Variants in HIVEP3 observed in about 807,000 individuals in gnomAD.
The protein encoded by HIVEP3 is HIVEP zinc finger 3, also known as transcription factor HIVEP3.
HIVEP3 carries 49 observed loss-of-function variants against 152.8 expected under a neutral mutation model. The observed-to-expected ratio is 0.32, with a 90% CI of 0.26 to 0.41. The LOEUF (loss-of-function observed/expected upper bound fraction) is 0.41, where lower values mean the gene tolerates loss of function less well. Among genes scored for constraint, HIVEP3 ranks in the 10% least tolerant of loss-of-function variants. HIVEP3 has a pLI of 1.00. For synonymous variants in HIVEP3, 1,269 were observed against 1,289.0 expected (o/e 0.98, Z 0.33); for missense variants, 2,790 against 3,103.3 (o/e 0.90, Z 2.40).
At chr1:41,950,918 T>C (rs1645103167) in intron 1 of HIVEP3, among the ~76,000 whole-genome samples, 1 of 152,242 alleles carries the variant, frequency 6.6e-6, no homozygotes, top group South Asian at 2.1e-4. Context: ...GGGAGATATG[T>C]TCTTGTTTAA....
intron 1 of HIVEP3, among the ~76,000 whole-genome samples, chr1:41,874,521 G>C (rs902474002): frequency 7.2e-5 from 11 of 152,104 alleles, no homozygotes; most frequent in Non-Finnish European, 7.4e-5. Flanking sequence ...TCAGCAGCAG[G>C]GCAGCTGCCA....
intron 1 of HIVEP3, among the ~76,000 whole-genome samples, chr1:41,770,183 C>T (rs1648262881): frequency 6.6e-6 from 1 of 152,042 alleles, no homozygotes; most frequent in Non-Finnish European, 1.5e-5. Flanking sequence ...CCATGTTAGC[C>T]AGGATGGTCT....
chr1:41,771,068 T>C (rs1050021479), intron 1 of HIVEP3, among the ~76,000 whole-genome samples: 9 of 152,224 alleles, frequency 5.9e-5, no homozygotes, highest in Non-Finnish European at 8.8e-5. Context: ...AGCATATCTG[T>C]GGGACTAAAA....
chr1:41,907,173 G>A (rs976459058), intron 1 of HIVEP3, among the ~76,000 whole-genome samples: 14 of 152,140 alleles, frequency 9.2e-5, no homozygotes, highest in Admixed American at 7.9e-4. Context: ...AAAACTACTC[G>A]GCTTTGGGAG....
chr1:41,530,795 T>A (rs1292272625), intron 5 of HIVEP3, among the ~76,000 whole-genome samples: 1 of 152,164 alleles, frequency 6.6e-6, no homozygotes, highest in Non-Finnish European at 1.5e-5. Context: ...GACCCCTTCA[T>A]TTCCTCCTCC....
chr1:41,898,450 G>A (rs539603888), intron 1 of HIVEP3, among the ~76,000 whole-genome samples: 1 of 152,332 alleles, frequency 6.6e-6, no homozygotes, highest in African/African-American at 2.4e-5. Flanking sequence ...CACAGCCTAA[G>A]AGCAAAGGCT....
At chr1:41,565,053 G>C (rs1306254451) in intron 5 of HIVEP3, among the ~76,000 whole-genome samples, 1 of 152,226 alleles carries the variant, frequency 6.6e-6, no homozygotes, top group African/African-American at 2.4e-5. Context: ...AAATTTGGGT[G>C]AGGCGTGAAT....
In HIVEP3 at chr1:41,918,106, C is replaced by T. The variant is rs1644900521; in HGVS notation, c.-801+307G>A. 6.6e-6 allele frequency among the ~76,000 whole-genome samples: 1 copy of T among 151,656 alleles called. No individual in the cohort carries two copies. The highest frequency in any genetic ancestry group is 1.5e-5 in the Non-Finnish European group (1 of 68,012). ...GCGCACGGCGCGCATAGGGTTACAGCCCCGCCGCCGCCGCCGCCGCCGCCG... is the reference window on the plus strand; with the variant it reads ...GCGCACGGCGCGCATAGGGTTACAGTCCCGCCGCCGCCGCCGCCGCCGCCG... On this transcript the variant is annotated intron_variant, in intron 1 of 8. Transcript: ENST00000372583. The surrounding 1 kb of genome is among the most constrained non-coding windows in gnomAD (Gnocchi z 4.3).
intron 1 of HIVEP3, among the ~76,000 whole-genome samples, chr1:41,713,822 A>C (rs1646550428): frequency 6.6e-6 from 1 of 152,238 alleles, no homozygotes; most frequent in Non-Finnish European, 1.5e-5. Context: ...TCTGGAATGC[A>C]GGGAAATGAG....
chr1:41,856,233 C>A (rs1203785010), intron 1 of HIVEP3, among the ~76,000 whole-genome samples: 1 of 152,152 alleles, frequency 6.6e-6, no homozygotes, highest in Non-Finnish European at 1.5e-5. Context: ...AATGCATCTG[C>A]AGCCAGATGC....
chr1:41,545,735 C>T (rs1643782238), intron 5 of HIVEP3, among the ~76,000 whole-genome samples: 1 of 148,008 alleles, frequency 6.8e-6, no homozygotes, highest in East Asian at 2.0e-4. Flanking sequence ...CCACTACCAT[C>T]ACCACCATCA....
At chr1:41,840,482 G>T (rs1285240799) in intron 1 of HIVEP3, among the ~76,000 whole-genome samples, 5 of 152,188 alleles carry the variant, frequency 3.3e-5, no homozygotes, top group African/African-American at 1.2e-4. Flanking sequence ...AGAGACTTTG[G>T]AGGAAGCATG....
At chr1:41,888,582 G>A (rs1295935417) in intron 1 of HIVEP3, among the ~76,000 whole-genome samples, 1 of 151,804 alleles carries the variant, frequency 6.6e-6, no homozygotes, top group Non-Finnish European at 1.5e-5. Flanking sequence ...AGAGAATAAG[G>A]GCATCATCAG....
intron 1 of HIVEP3, among the ~76,000 whole-genome samples, chr1:41,964,637 A>G (rs1391073572): frequency 1.3e-5 from 2 of 152,234 alleles, no homozygotes; most frequent in African/African-American, 2.4e-5. Flanking sequence ...CCACAGGTGC[A>G]GCACAGCAGC....
chr1:42,007,045 C>G (rs1356184687), intron 1 of HIVEP3, among the ~76,000 whole-genome samples: 1 of 152,156 alleles, frequency 6.6e-6, no homozygotes, highest in East Asian at 1.9e-4. Context: ...TCCACGTGTA[C>G]AGAAGCTTCT....
At chr1:42,014,669 C>T (rs1207762762) in intron 1 of HIVEP3, among the ~76,000 whole-genome samples, 2 of 152,078 alleles carry the variant, frequency 1.3e-5, no homozygotes, top group Non-Finnish European at 2.9e-5. Flanking sequence ...TTCTAGGCAC[C>T]AATGAAGCTG....
intron 1 of HIVEP3, among the ~76,000 whole-genome samples, chr1:41,808,698 C>T (rs1558287959): frequency 6.6e-6 from 1 of 152,226 alleles, no homozygotes; most frequent in South Asian, 2.1e-4. Flanking sequence ...TAAAGGTCAA[C>T]TTCCTTTATT....
At chr1:41,975,210 C>G (rs1403852873) in intron 1 of HIVEP3, among the ~76,000 whole-genome samples, 2 of 152,214 alleles carry the variant, frequency 1.3e-5, no homozygotes, top group Non-Finnish European at 2.9e-5. Flanking sequence ...CACAGTTCAA[C>G]TGCCCCCCTC....
intron 1 of HIVEP3, among the ~76,000 whole-genome samples, chr1:41,717,649 G>A (rs1303928897): frequency 6.6e-6 from 1 of 152,192 alleles, no homozygotes; most frequent in Non-Finnish European, 1.5e-5. Flanking sequence ...CTGACTCCTT[G>A]TCTAGTGCTC....
Sources: allele counts gnomAD v4.1 joint callset (sites outside exome capture counted in the v4.1 genomes callset), GRCh38; gene constraint gnomAD v4.1.1; non-coding constraint Gnocchi (gnomAD v3.1); transcripts MANE v1.5; gene names NCBI Gene and HGNC (gene_info 2026-07-23, HGNC 2026-07-21).